EHBP1: variants seen among roughly 807,000 people sequenced by gnomAD.
The protein encoded by EHBP1 is EH domain-binding protein 1.
Under a neutral mutation model 144.0 loss-of-function variants are expected in EHBP1, and 55 were observed. The observed-to-expected ratio is 0.38, with a 90% CI of 0.31 to 0.48. EHBP1 has a LOEUF of 0.48. Among genes scored for constraint, EHBP1 ranks in the 20% least tolerant of loss-of-function variants. The pLI, the probability that EHBP1 is intolerant of heterozygous loss-of-function variation, is 0.98. For missense variants in EHBP1, 1,200 were observed against 1,364.2 expected (o/e 0.88, Z 1.90); for synonymous variants, 469 against 472.7 (o/e 0.99, Z 0.10).
intron 3 of EHBP1, among the ~76,000 whole-genome samples, chr2:62,754,647 G>A (rs540813348): frequency 6.6e-5 from 10 of 152,302 alleles, no homozygotes; most frequent in African/African-American, 2.2e-4. Flanking sequence ...CACCCAGTTC[G>A]AGCTTCCTGA....
intron 1 of EHBP1, among the ~76,000 whole-genome samples, chr2:62,681,340 G>GTGTATATATA (rs1171760462): frequency 1.0e-4 from 6 of 58,556 alleles, no homozygotes; most frequent in Non-Finnish European, 1.5e-4. Context: ...ATGTGTGTGT[G>GTGTATATATA]TATATATATA....
chr2:62,984,385 A>G (rs940040674), intron 15 of EHBP1, among the ~76,000 whole-genome samples: 3 of 152,142 alleles, frequency 2.0e-5, no homozygotes, highest in Admixed American at 6.6e-5. Flanking sequence ...TGCATATCTA[A>G]TCTCCTTTTA....
intron 3 of EHBP1, among the ~76,000 whole-genome samples, chr2:62,753,999 T>C (rs775415193): frequency 6.6e-6 from 1 of 152,208 alleles, no homozygotes; most frequent in Non-Finnish European, 1.5e-5. Context: ...AACTTGTCAA[T>C]GTCATGATCC....
chr2:62,790,217 C>T lies in EHBP1; in HGVS notation c.312+18825C>T, dbSNP rs532519965. Among the ~76,000 whole-genome samples, 5 of 152,252 alleles carry T rather than the reference C, an allele frequency of 3.3e-5. No homozygotes were observed. The South Asian group carries it at 1.0e-3, about 32-fold the overall frequency. On this transcript the variant is annotated intron_variant, in intron 5 of 22. Transcript: ENST00000431489. ...CTTGATTTGTATTGGCAGAAGAAAGCAAACAGAGTGGTTTGTCAGGTTGCT... is the reference window on the plus strand; with the variant it reads ...CTTGATTTGTATTGGCAGAAGAAAGTAAACAGAGTGGTTTGTCAGGTTGCT...
intron 5 of EHBP1, among the ~76,000 whole-genome samples, chr2:62,774,461 G>A (rs1287342893): frequency 6.6e-6 from 1 of 151,880 alleles, no homozygotes; most frequent in Non-Finnish European, 1.5e-5. Flanking sequence ...ATAAGTAGAC[G>A]TTGCATTTTT....
chr2:62,822,338 A>G (rs1287662132), intron 5 of EHBP1, among the ~76,000 whole-genome samples: 1 of 152,184 alleles, frequency 6.6e-6, no homozygotes, highest in African/African-American at 2.4e-5. Context: ...GTCCATGCAT[A>G]AATTTTAATT....
Position 63,045,035 on chromosome 2 carries a change from C to A in EHBP1, c.3278-31C>A. 1 of 1,505,582 alleles carries A rather than the reference C, an allele frequency of 6.6e-7. No homozygotes were observed. The highest frequency in any genetic ancestry group is 9.0e-7 in the Non-Finnish European group (1 of 1,107,216). The allele number at this position is 1,505,582 out of a possible 1,614,324, so 93.3% of individuals were successfully genotyped here. ...GGGGCCGGGTGTTCGGAGGCCCTGC[C>A]GGTGGGTAACTAGCCTCCCGTCTTC... On this transcript the variant is annotated intron_variant, in intron 21 of 22. Coordinates refer to ENST00000431489, the MANE Select transcript of EHBP1 (RefSeq NM_001142616.3). This position sits in a 1 kb window ranked among gnomAD's most constrained non-coding sequence, Gnocchi z 5.7.
intron 14 of EHBP1, among the ~76,000 whole-genome samples, chr2:62,959,456 T>C (rs1415194057): frequency 2.0e-5 from 3 of 152,170 alleles, no homozygotes. Context: ...CTTCATATTG[T>C]TTTTCCATAA....
chr2:62,730,949 A>G (rs2037532290), intron 2 of EHBP1, among the ~76,000 whole-genome samples: 1 of 150,064 alleles, frequency 6.7e-6, no homozygotes, highest in Non-Finnish European at 1.5e-5. Context: ...AGAAAGACAG[A>G]GAGAAAGATA....
rs2045429443 is a variant in EHBP1 at position 62,816,122 on chromosome 2, T to C, written c.313-9965T>C. Among the ~76,000 whole-genome samples the C allele has an allele frequency of 2.0e-5, 3 of 152,314 alleles. No individual in the cohort carries two copies. The South Asian group carries it at 6.2e-4, about 32-fold the overall frequency. ...ATACTCCCATACTTTTCCAGCTACA[T>C]ATCTGTGTGATACTTGATTTTTTTC... On this transcript the variant is annotated intron_variant, in intron 5 of 22. Transcript: ENST00000431489.
rs1179489054 is a variant in EHBP1 at position 62,940,740 on chromosome 2, C to G, written c.1186-1978C>G. ...GCTTGTAATTTCATCAAAGTTTCTT[C>G]AATTGCATGTGACTTCTTTTTGTTG... On this transcript the variant is annotated intron_variant, in intron 10 of 22. Coordinates refer to ENST00000431489, the MANE Select transcript of EHBP1 (RefSeq NM_001142616.3). 5.3e-5 allele frequency among the ~76,000 whole-genome samples: 8 copies of G among 152,104 alleles called. No homozygotes were observed. In the South Asian group the frequency reaches 1.0e-3, roughly 20 times the overall value.
At chr2:62,882,967 G>T (rs1276276666) in intron 10 of EHBP1, among the ~76,000 whole-genome samples, 2 of 151,278 alleles carry the variant, frequency 1.3e-5, no homozygotes, top group East Asian at 3.9e-4. Context: ...GATCCATAGA[G>T]CAACTGAGGA....
chr2:63,027,371 G>A (rs1445943933), intron 19 of EHBP1, among the ~76,000 whole-genome samples: 1 of 152,194 alleles, frequency 6.6e-6, no homozygotes, highest in Non-Finnish European at 1.5e-5. Context: ...TGAAGATAAT[G>A]TGTACTCAAG....
At chr2:62,799,311 T>A (rs1195568900) in intron 5 of EHBP1, among the ~76,000 whole-genome samples, 1 of 152,248 alleles carries the variant, frequency 6.6e-6, no homozygotes, top group Non-Finnish European at 1.5e-5. Context: ...CTGATTTTTA[T>A]CTGAAAATAT....
chr2:62,862,527 T>G (rs2049657236), intron 8 of EHBP1, among the ~76,000 whole-genome samples: 2 of 152,038 alleles, frequency 1.3e-5, no homozygotes, highest in African/African-American at 4.8e-5. Flanking sequence ...GGAGAATAGC[T>G]TGACACCGGG....
At chr2:62,822,377 T>C (rs2046048025) in intron 5 of EHBP1, among the ~76,000 whole-genome samples, 1 of 152,178 alleles carries the variant, frequency 6.6e-6, no homozygotes, top group African/African-American at 2.4e-5. Flanking sequence ...AAAGTAAACA[T>C]TCTGCATTGA....
chr2:62,685,287 A>G (rs1307854576), intron 1 of EHBP1, among the ~76,000 whole-genome samples: 1 of 152,180 alleles, frequency 6.6e-6, no homozygotes, highest in Non-Finnish European at 1.5e-5. Context: ...TACCCCATAA[A>G]TATATACAAC....
At chr2:62,835,800 G>A (rs964570600) in intron 7 of EHBP1, among the ~76,000 whole-genome samples, 9 of 152,134 alleles carry the variant, frequency 5.9e-5, no homozygotes, top group South Asian at 2.1e-4. Flanking sequence ...AAAAAACGGC[G>A]CACCACGAGA....
intron 9 of EHBP1, among the ~76,000 whole-genome samples, chr2:62,868,573 G>A (rs1044756267): frequency 2.0e-5 from 3 of 152,146 alleles, no homozygotes; most frequent in Admixed American, 1.3e-4. Flanking sequence ...GCAAGCCACA[G>A]TTTGGCAGAA....
Sources: allele counts gnomAD v4.1 joint callset (sites outside exome capture counted in the v4.1 genomes callset), GRCh38; gene constraint gnomAD v4.1.1; non-coding constraint Gnocchi (gnomAD v3.1); transcripts MANE v1.5; gene names NCBI Gene and HGNC (gene_info 2026-07-23, HGNC 2026-07-21).